Variants in NDUFA5 observed in about 807,000 individuals in gnomAD.
The protein encoded by NDUFA5 is NADH dehydrogenase [ubiquinone] 1 alpha subcomplex subunit 5.
NDUFA5 carries 11 observed loss-of-function variants against 19.8 expected under a neutral mutation model. The observed-to-expected ratio is 0.56, with a 90% CI of 0.35 to 0.92. The LOEUF (loss-of-function observed/expected upper bound fraction) is 0.92, where lower values mean the gene tolerates loss of function less well. Among genes scored for constraint, NDUFA5 ranks in the 40% least tolerant of loss-of-function variants. The pLI, the probability that NDUFA5 is intolerant of heterozygous loss-of-function variation, is 0.01. For synonymous variants in NDUFA5, 47 were observed against 46.8 expected (o/e 1.00, Z -0.01); for missense variants, 109 against 134.2 (o/e 0.81, Z 0.93).
At chr7:123,575,448 T>C in the NDUFA5 span, among the ~76,000 whole-genome samples, 2 of 152,090 alleles carry the variant, frequency 1.3e-5, no homozygotes, top group Non-Finnish European at 2.9e-5. Flanking sequence ...CATACACAAT[T>C]AAATCATACA....
At chr7:123,550,138 G>T in intron 3 of NDUFA5, 1 of 184,096 alleles carries the variant, frequency 5.4e-6, no homozygotes, top group Non-Finnish European at 1.1e-5. Flanking sequence ...TGTTCTCTAA[G>T]ATTAGAAAAA....
At chr7:123,598,395 A>T in the NDUFA5 span, among the ~76,000 whole-genome samples, 1 of 152,188 alleles carries the variant, frequency 6.6e-6, no homozygotes, top group Non-Finnish European at 1.5e-5. Context: ...AACTGGCAGA[A>T]CTTAGACTAA....
At chr7:123,553,289 C>G (rs1798424502) in intron 2 of NDUFA5, among the ~76,000 whole-genome samples, 1 of 152,206 alleles carries the variant, frequency 6.6e-6, no homozygotes, top group South Asian at 2.1e-4. Context: ...ACAATCATGG[C>G]AGAAGATGAA....
rs56974030 is a variant in NDUFA5, at chr7:123,540,890, G to GCACA, written c.*1225_*1228dup. The GCACA allele has an allele frequency of 0.089, 11,949 of 133,716 alleles. 523 individuals are homozygous for GCACA. Among genetic ancestry groups the GCACA allele is most frequent in the East Asian group, 0.12 (532 of 4,520 alleles). 8.3% of individuals were successfully genotyped at this position (133,716 alleles called of 1,614,324 possible). On this transcript the variant is annotated 3_prime_UTR_variant, in exon 5 of 5. Transcript: ENST00000355749. ...TCTGAGCAAATGTGCGCATGCGCGT[G>GCACA]CACACACACACACACACACACACAC...
the NDUFA5 span, among the ~76,000 whole-genome samples, chr7:123,567,802 C>T: frequency 6.6e-6 from 1 of 151,984 alleles, no homozygotes; most frequent in East Asian, 1.9e-4. Context: ...ATTATTTCCT[C>T]TCTCAACCTT....
chr7:123,562,171 G>A (rs1017536003), upstream of NDUFA5, among the ~76,000 whole-genome samples: 25 of 152,150 alleles, frequency 1.6e-4, no homozygotes, highest in Non-Finnish European at 2.9e-4. Context: ...CATTTTCAAT[G>A]AGCAGTAATA....
the NDUFA5 span, among the ~76,000 whole-genome samples, chr7:123,591,616 T>C: frequency 3.3e-5 from 5 of 152,208 alleles, no homozygotes; most frequent in Admixed American, 3.3e-4. Context: ...GATTTGTGTA[T>C]AATGAACCAG....
the NDUFA5 span, among the ~76,000 whole-genome samples, chr7:123,571,138 A>G: frequency 6.6e-6 from 1 of 152,230 alleles, no homozygotes; most frequent in Non-Finnish European, 1.5e-5. Context: ...TAAATTTACC[A>G]TAAAAACAAA....
intron 4 of NDUFA5, among the ~76,000 whole-genome samples, chr7:123,544,296 C>T (rs1421164107): frequency 5.3e-5 from 8 of 151,818 alleles, no homozygotes; most frequent in Non-Finnish European, 1.2e-4. Flanking sequence ...GTCAGGAGTT[C>T]GAGACCAGCC....
upstream of NDUFA5, among the ~76,000 whole-genome samples, chr7:123,560,281 T>G (rs1189251400): frequency 6.6e-6 from 1 of 152,196 alleles, no homozygotes; most frequent in Non-Finnish European, 1.5e-5. Flanking sequence ...ACAAATATTT[T>G]TCCACTCTCA....
intron 3 of NDUFA5, among the ~76,000 whole-genome samples, chr7:123,547,001 TA>T (rs2116093183): frequency 6.6e-6 from 1 of 152,246 alleles, no homozygotes; most frequent in Admixed American, 6.5e-5. Flanking sequence ...GGCAGAGGGA[TA>T]TTACACACAG....
rs527482156 is a variant in NDUFA5, at chr7:123,537,799, T to C, written c.*4320A>G. 9.3e-5 allele frequency: 14 copies of C among 150,812 alleles called. No homozygotes were observed. The highest frequency in any genetic ancestry group is 1.2e-4 in the Non-Finnish European group (8 of 67,776). The allele number at this position is 150,812 out of a possible 1,614,324, so 9.3% of individuals were successfully genotyped here. On this transcript the variant is annotated 3_prime_UTR_variant, in exon 5 of 5. Transcript: ENST00000355749. ...TGAAAAATAATTCACCCTCCAGTTA[T>C]AGAGAGATTAAAATGCCAATATTTT...
chr7:123,544,204 TA>T (rs773026953), intron 4 of NDUFA5, among the ~76,000 whole-genome samples: 2 of 151,796 alleles, frequency 1.3e-5, no homozygotes, highest in Admixed American at 1.3e-4. Context: ...TTTCACCAAA[TA>T]AAAAAAATTT....
chr7:123,557,209 G>A (rs761090988), intron 2 of NDUFA5, 195 bp downstream of exon 2: 1 of 797,984 alleles, frequency 1.3e-6, no homozygotes, highest in South Asian at 1.5e-5. Context: ...TAATAAAGAG[G>A]TCATGGCAAA....
chr7:123,578,023 C>T, the NDUFA5 span, among the ~76,000 whole-genome samples: 1 of 151,562 alleles, frequency 6.6e-6, no homozygotes, highest in African/African-American at 2.4e-5. Flanking sequence ...AGTATTTCTC[C>T]TAATGTTATC....
chr7:123,599,621 A>G, the NDUFA5 span, among the ~76,000 whole-genome samples: 1 of 152,132 alleles, frequency 6.6e-6, no homozygotes, highest in Admixed American at 6.5e-5. Flanking sequence ...ATGCTACCTA[A>G]ATTTCTTATT....
chr7:123,582,255 T>C, the NDUFA5 span, among the ~76,000 whole-genome samples: 1 of 151,770 alleles, frequency 6.6e-6, no homozygotes, highest in Non-Finnish European at 1.5e-5. Context: ...GAAGGAAGGA[T>C]GTGTGACAAT....
chr7:123,556,320 C>G (rs958681234), intron 2 of NDUFA5: 1 of 152,216 alleles, frequency 6.6e-6, no homozygotes, highest in Non-Finnish European at 1.5e-5. Flanking sequence ...ATATTCAGGA[C>G]TTTTATAAAG....
chr7:123,538,939 G>T lies in NDUFA5; in HGVS notation c.*3180C>A, dbSNP rs917687293. The T allele has an allele frequency of 4.6e-5, 7 of 152,140 alleles. No individual in the cohort carries two copies. Among genetic ancestry groups the T allele is most frequent in the African/African-American group, 1.7e-4 (7 of 41,416 alleles). 9.4% of individuals were successfully genotyped at this position (152,140 alleles called of 1,614,324 possible). ...GATACATTCATAAACATTGTTATTG[G>T]CTTAATTAGCTTCGCTCCTCTGAAT... On this transcript the variant is annotated 3_prime_UTR_variant, in exon 5 of 5. Coordinates refer to ENST00000355749, the MANE Select transcript of NDUFA5 (RefSeq NM_005000.5).
Sources: allele counts gnomAD v4.1 joint callset (sites outside exome capture counted in the v4.1 genomes callset), GRCh38; gene constraint gnomAD v4.1.1; transcripts MANE v1.5; gene names NCBI Gene and HGNC (gene_info 2026-07-23, HGNC 2026-07-21).